The following PLCE1 variants were observed in gnomAD, a reference collection of about 807,000 sequenced individuals.
The protein encoded by PLCE1 is 1-phosphatidylinositol 4,5-bisphosphate phosphodiesterase epsilon-1.
PLCE1 carries 119 observed loss-of-function variants against 242.8 expected under a neutral mutation model. The observed-to-expected ratio is 0.49, with a 90% CI of 0.42 to 0.57. The LOEUF (loss-of-function observed/expected upper bound fraction) is 0.57, where lower values mean the gene tolerates loss of function less well. Ranked by LOEUF, PLCE1 falls within the 20% of genes least tolerant of loss-of-function variation. The pLI is 0.00. For missense variants in PLCE1, 2,441 were observed against 2,788.8 expected (o/e 0.88, Z 2.81); for synonymous variants, 945 against 1,017.4 (o/e 0.93, Z 1.35).
intron 14 of PLCE1, 139 bp downstream of exon 14, chr10:94,262,871 T>G (rs2051353973): frequency 6.5e-6 from 5 of 768,110 alleles, no homozygotes; most frequent in African/African-American, 1.7e-5. Context: ...GTTTTTTTTT[T>G]TGTTTTTTTG....
rs2046618188 is a variant in PLCE1 at position 94,132,200 on chromosome 10, A to G, written c.1233A>G (p.Glu411=). ...TCTACAATGCAGTGAGAAGAGAAGAAACAGAAAATACAGTTGGATCTCTAC... is the reference window on the plus strand; with the variant it reads ...TCTACAATGCAGTGAGAAGAGAAGAGACAGAAAATACAGTTGGATCTCTAC... ...YPIYNAVRRE[E]TENTVGSLLH... Residue 411 remains glutamate, a synonymous_variant, in exon 3 of 33, where the codon GAA becomes GAG. Transcript: ENST00000371380. The G allele has an allele frequency of 1.9e-6, 3 of 1,614,160 alleles. No individual in the cohort carries two copies. Among genetic ancestry groups the G allele is most frequent in the Non-Finnish European group, 2.5e-6 (3 of 1,179,988 alleles).
chr10:94,234,306 T>C lies in PLCE1; in HGVS notation c.2208T>C (p.Thr736=). Reference sequence around the variant, plus strand: ...CGCGGTACAATTCCCAAGAAGAAACTTTAGAGGTAAGGCCTTTCAGAATCA... The same window carrying C: ...CGCGGTACAATTCCCAAGAAGAAACCTTAGAGGTAAGGCCTTTCAGAATCA... ...LCPRYNSQEE[T]LEFVADYSGQ... Residue 736 remains threonine (T), a synonymous_variant, in exon 6 of 33, where the codon ACT becomes ACC. Coordinates refer to ENST00000371380, the MANE Select transcript of PLCE1 (RefSeq NM_016341.4). The C allele has an allele frequency of 1.2e-6, 2 of 1,613,954 alleles. No individual in the cohort carries two copies. The highest frequency in any genetic ancestry group is 2.2e-5 in the South Asian group (2 of 91,062).
chr10:94,060,340 A>G (rs1303901041), intron 2 of PLCE1, among the ~76,000 whole-genome samples: 3 of 152,198 alleles, frequency 2.0e-5, no homozygotes, highest in Non-Finnish European at 2.9e-5. Flanking sequence ...TAGGAATACT[A>G]TTTTTATTAT....
intron 4 of PLCE1, among the ~76,000 whole-genome samples, chr10:94,200,728 C>T (rs2048963373): frequency 6.6e-6 from 1 of 152,112 alleles, no homozygotes; most frequent in South Asian, 2.1e-4. Flanking sequence ...GAAATATGAC[C>T]TCAGCCAGGT....
intron 4 of PLCE1, among the ~76,000 whole-genome samples, chr10:94,205,679 C>T (rs1405624208): frequency 6.6e-6 from 1 of 152,226 alleles, no homozygotes; most frequent in Non-Finnish European, 1.5e-5. Flanking sequence ...ATGCCCTTTC[C>T]AGGATGAGCA....
At chr10:94,127,609 G>C (rs2046472653) in intron 2 of PLCE1, among the ~76,000 whole-genome samples, 1 of 152,016 alleles carries the variant, frequency 6.6e-6, no homozygotes, top group African/African-American at 2.4e-5. Context: ...AATAATTCGC[G>C]GCCATTTTTG....
chr10:94,212,197 C>G (rs1260324161), intron 4 of PLCE1, among the ~76,000 whole-genome samples: 2 of 152,200 alleles, frequency 1.3e-5, no homozygotes, highest in Non-Finnish European at 2.9e-5. Flanking sequence ...AACGATTCTC[C>G]TGCCTCAGCC....
Position 94,324,392 on chromosome 10 carries a change from C to T in PLCE1, c.6545C>T (p.Pro2182Leu), listed in dbSNP as rs776947470. ...AKYSYSILSN[P>L]NPSDYVLLEE... ...TATTCCTACAGCATCCTGAGCAACCCCAATCCAAGCGACTATGTGCTTTTG... is the reference window on the plus strand; with the variant it reads ...TATTCCTACAGCATCCTGAGCAACCTCAATCCAAGCGACTATGTGCTTTTG... The change falls in exon 31 of 33, where the codon CCC becomes CTC. Residue 2182 changes from proline to leucine, a missense_variant. Coordinates refer to ENST00000371380, the MANE Select transcript of PLCE1 (RefSeq NM_016341.4). The T allele has an allele frequency of 6.2e-7, 1 of 1,614,094 alleles. No homozygotes were observed.
At chr10:94,071,866 C>T (rs1480355726) in intron 2 of PLCE1, among the ~76,000 whole-genome samples, 1 of 152,006 alleles carries the variant, frequency 6.6e-6, no homozygotes, top group Admixed American at 6.6e-5. Context: ...TTGGCCCTGT[C>T]CTCTCTCTTA....
intron 17 of PLCE1, among the ~76,000 whole-genome samples, chr10:94,270,088 T>C (rs968885933): frequency 6.6e-6 from 1 of 152,242 alleles, no homozygotes; most frequent in Non-Finnish European, 1.5e-5. Context: ...CATAAATATA[T>C]GTGACATATG....
At chr10:94,258,958 G>C in intron 12 of PLCE1, 36 bp downstream of exon 12, 2 of 1,613,720 alleles carry the variant, frequency 1.2e-6, no homozygotes, top group South Asian at 1.1e-5. Flanking sequence ...TCTTTCTCAG[G>C]CCCCCCCATT....
intron 1 of PLCE1, among the ~76,000 whole-genome samples, chr10:94,001,234 G>A (rs1223587): frequency 0.56 from 85,270 of 151,948 alleles, 25,329 homozygotes; most frequent in African/African-American, 0.75. Flanking sequence ...CAGTGTCATC[G>A]GTGATGTTTG....
Position 94,031,089 on chromosome 10 carries a change from A to T in PLCE1, c.43A>T (p.Thr15Ser). ...GACAGCTTCTGTTCTCATACCTGTGACTCAGAGAAAAGTGGTTTCTGCCCA... is the reference window on the plus strand; with the variant it reads ...GACAGCTTCTGTTCTCATACCTGTGTCTCAGAGAAAAGTGGTTTCTGCCCA... The part of the protein sequence containing the change: ...EMTASVLIPV[T>S]QRKVVSAQSA... The change falls in exon 2 of 33, where the codon ACT becomes TCT. Residue 15 changes from threonine to serine, a missense_variant. This residue lies in a region of PLCE1 where 393 missense variants were observed against 378.5 expected (regional missense o/e 1.04). Transcript: ENST00000371380. 6.2e-7 allele frequency: 1 copy of T among 1,613,676 alleles called. No individual in the cohort carries two copies. Among genetic ancestry groups the T allele is most frequent in the Non-Finnish European group, 8.5e-7 (1 of 1,179,656 alleles).
At chr10:94,239,620 C>G (rs1331231564) in intron 7 of PLCE1, among the ~76,000 whole-genome samples, 5 of 152,182 alleles carry the variant, frequency 3.3e-5, no homozygotes, top group African/African-American at 1.2e-4. Flanking sequence ...GCAGTAATCA[C>G]CATTTCAGAG....
intron 8 of PLCE1, 90 bp downstream of exon 8, chr10:94,246,711 C>G (rs1388198596): frequency 8.3e-7 from 1 of 1,199,544 alleles, no homozygotes; most frequent in Non-Finnish European, 1.2e-6. Flanking sequence ...ATGCTCCCAG[C>G]TCTGACAGTT....
intron 19 of PLCE1, among the ~76,000 whole-genome samples, chr10:94,277,805 G>C (rs1311421217): frequency 3.9e-5 from 6 of 152,182 alleles, no homozygotes; most frequent in African/African-American, 1.4e-4. Context: ...TCCTGGTTAA[G>C]TAAGCATGGG....
At chr10:94,024,230 C>A (rs1040927172) in intron 1 of PLCE1, among the ~76,000 whole-genome samples, 2 of 152,210 alleles carry the variant, frequency 1.3e-5, no homozygotes, top group East Asian at 1.9e-4. Context: ...AAATAACTGA[C>A]CAATGTTGGT....
intron 2 of PLCE1, among the ~76,000 whole-genome samples, chr10:94,071,082 C>G (rs116363484): frequency 6.6e-6 from 1 of 152,300 alleles, no homozygotes; most frequent in African/African-American, 2.4e-5. Flanking sequence ...GCAGCTTGCT[C>G]AAGACCTGAT....
chr10:94,109,443 A>G (rs1167686276), intron 2 of PLCE1, among the ~76,000 whole-genome samples: 2 of 152,112 alleles, frequency 1.3e-5, no homozygotes, highest in African/African-American at 4.8e-5. Context: ...CTTCATCTTT[A>G]CTAAAAATAC....
Sources: allele counts gnomAD v4.1 joint callset (sites outside exome capture counted in the v4.1 genomes callset), GRCh38; gene constraint gnomAD v4.1.1; regional missense constraint gnomAD v4.1.1; transcripts MANE v1.5; gene names NCBI Gene and HGNC (gene_info 2026-07-23, HGNC 2026-07-21).